VRK2: variants seen among roughly 807,000 people sequenced by gnomAD.
VRK2 encodes serine/threonine-protein kinase VRK2.
Under a neutral mutation model 57.6 loss-of-function variants are expected in VRK2, and 60 were observed. The ratio of observed to expected loss-of-function variants is 1.04; its 90% CI spans 0.85 to 1.29. The LOEUF is 1.29. VRK2 is among the 50% of genes most tolerant of loss of function. The probability of loss-of-function intolerance (pLI) is 0.00; values close to 1 mark genes in which losing one functional copy is unlikely to be tolerated. For synonymous variants in VRK2, 231 were observed against 199.2 expected (o/e 1.16, Z -1.35); for missense variants, 705 against 588.1 (o/e 1.20, Z -2.06).
At chr2:58,139,925 G>A in intron 11 of VRK2, 93 bp downstream of exon 11, 3 of 1,321,964 alleles carry the variant, frequency 2.3e-6, no homozygotes, top group East Asian at 2.4e-5. Context: ...GAGTCTGACA[G>A]CTTTCTTCTT....
At chr2:57,976,055 T>C (rs1470970333) in intron 1 of VRK2, among the ~76,000 whole-genome samples, 1 of 152,126 alleles carries the variant, frequency 6.6e-6, no homozygotes, top group African/African-American at 2.4e-5. Flanking sequence ...CTTAGGATAA[T>C]GGCCTCCAGC....
intron 2 of VRK2, among the ~76,000 whole-genome samples, chr2:58,075,963 G>T (rs1670042918): frequency 6.8e-6 from 1 of 147,308 alleles, no homozygotes; most frequent in Non-Finnish European, 1.5e-5. Context: ...ATGGATTAAA[G>T]AAAAGCTGTT....
At position 58,159,420 on chromosome 2, in the gene VRK2, A is replaced by G; in HGVS notation, c.1254A>G (p.Gln418=). 1 of 1,613,682 alleles carries G rather than the reference A, an allele frequency of 6.2e-7. No individual in the cohort carries two copies. Residue 418 remains glutamine (Q), a synonymous_variant, in exon 13 of 13, where the codon CAA becomes CAG. Coordinates refer to ENST00000340157, the MANE Select transcript of VRK2 (RefSeq NM_006296.7). The stretch of plus-strand genomic sequence containing the variant: ...TGAATGAAGTAAACAGTTTCCCACA[A>G]AAAATCAGCTATACACAATTCCCAA... ...EPLNEVNSFP[Q]KISYTQFPNS... is the part of the protein sequence containing the mutation.
At chr2:58,110,972 G>T (rs574973120) in intron 7 of VRK2, among the ~76,000 whole-genome samples, 67 of 152,218 alleles carry the variant, frequency 4.4e-4, no homozygotes, top group Non-Finnish European at 8.5e-4. Context: ...GGACCCAGTG[G>T]TCCTGCCCCT....
At chr2:58,123,009 T>TTC (rs1677752955) in intron 7 of VRK2, 92 bp from the exon 8 acceptor site, 1 of 1,477,452 alleles carries the variant, frequency 6.8e-7, no homozygotes, top group Non-Finnish European at 9.0e-7. Context: ...TCTGAGGCTG[T>TTC]TCTTAACCTA....
intron 1 of VRK2, among the ~76,000 whole-genome samples, chr2:57,914,840 A>G (rs1572853735): frequency 1.3e-5 from 2 of 152,274 alleles, no homozygotes; most frequent in Non-Finnish European, 1.5e-5. Flanking sequence ...TAAATAGCAA[A>G]CCCAGGAACA....
chr2:57,908,596 C>T (rs1387598419), intron 1 of VRK2, among the ~76,000 whole-genome samples: 1 of 152,056 alleles, frequency 6.6e-6, no homozygotes, highest in African/African-American at 2.4e-5. Context: ...ATGACTGGCT[C>T]TTAATAAACC....
At chr2:58,078,532 A>G (rs929010835) in intron 2 of VRK2, among the ~76,000 whole-genome samples, 2 of 152,048 alleles carry the variant, frequency 1.3e-5, no homozygotes, top group African/African-American at 4.8e-5. Flanking sequence ...GGATTGCTAG[A>G]TCATATGGTA....
intron 1 of VRK2, among the ~76,000 whole-genome samples, chr2:57,951,499 T>G (rs1671425708): frequency 6.6e-6 from 1 of 152,184 alleles, no homozygotes; most frequent in Non-Finnish European, 1.5e-5. Flanking sequence ...TGACTCCAAT[T>G]TTGAAAGAAG....
rs530192666 is a variant in VRK2 at position 57,949,735 on chromosome 2, T to C, written c.-439+41896T>C. Among the ~76,000 whole-genome samples, 6 of 152,330 alleles carry C rather than the reference T, an allele frequency of 3.9e-5. No individual in the cohort carries two copies. In the South Asian group the frequency reaches 8.3e-4, roughly 21 times the overall value. ...ATCAAAAGCTAGAAATGATTAAGCT[T>C]AATGAGGAAGGCATTTCAAAAGCCC... On this transcript the variant is annotated intron_variant, in intron 1 of 15. Coordinates refer to the VRK2 transcript ENST00000417641.
intron 1 of VRK2, among the ~76,000 whole-genome samples, chr2:57,927,497 G>A (rs1670579187): frequency 1.3e-5 from 2 of 151,982 alleles, no homozygotes; most frequent in South Asian, 4.1e-4. Context: ...GGTTGTTCTT[G>A]AACTCCTGAC....
chr2:58,066,987 A>G (rs1428572906), intron 2 of VRK2, among the ~76,000 whole-genome samples: 2 of 152,222 alleles, frequency 1.3e-5, no homozygotes, highest in Non-Finnish European at 2.9e-5. Flanking sequence ...CTGAGTGGGC[A>G]GCATCTAATC....
chr2:58,026,310 A>G (rs980353928), intron 2 of VRK2, among the ~76,000 whole-genome samples: 1 of 151,962 alleles, frequency 6.6e-6, no homozygotes, highest in Non-Finnish European at 1.5e-5. Context: ...ACATGTGCAC[A>G]TGTGTGAGAA....
At position 58,046,851 on chromosome 2, in the gene VRK2, G is replaced by A. The variant is rs1021906814; in HGVS notation, c.-23G>A. 30 of 985,212 alleles carry A rather than the reference G, an allele frequency of 3.0e-5. No individual in the cohort carries two copies. The highest frequency in any genetic ancestry group is 3.5e-5 in the African/African-American group (2 of 57,226). The allele number at this position is 985,212 out of a possible 1,614,324, so 61.0% of individuals were successfully genotyped here. A position where few individuals can be genotyped will look rare whatever the true frequency, so the allele number is the denominator to read the frequency against. ...GAGGCGGTGCGCGCGGCCCGGCGAC[G>A]GGGGATCCTGAGGCCCGGTCAGTCT... On this transcript the variant is annotated 5_prime_UTR_variant, in exon 1 of 13. Transcript: ENST00000340157.
At chr2:58,067,257 C>G (rs1192859805) in intron 2 of VRK2, among the ~76,000 whole-genome samples, 5 of 152,138 alleles carry the variant, frequency 3.3e-5, no homozygotes, top group Non-Finnish European at 7.4e-5. Context: ...CTCAGACTGG[C>G]TTTGTTGCTT....
chr2:58,019,748 C>A (rs1227083079), intron 1 of VRK2, among the ~76,000 whole-genome samples: 1 of 152,158 alleles, frequency 6.6e-6, no homozygotes, highest in Non-Finnish European at 1.5e-5. Context: ...GTACTAGTTT[C>A]CTATTGCTCA....
chr2:57,978,707 T>C (rs1672324168), intron 1 of VRK2, among the ~76,000 whole-genome samples: 1 of 150,256 alleles, frequency 6.7e-6, no homozygotes, highest in South Asian at 2.1e-4. Flanking sequence ...TTTCTTCCTT[T>C]TTCTTTTTCA....
chr2:58,159,492 CAAG>C lies in VRK2; in HGVS notation c.1330_1332del (p.Lys444del), dbSNP rs747900495. 6.8e-6 allele frequency: 11 copies of C among 1,613,698 alleles called. No individual in the cohort carries two copies. Among genetic ancestry groups the C allele is most frequent in the Non-Finnish European group, 9.3e-6 (11 of 1,179,774 alleles). ...AAGATTTTACCAGTCCAGATATATT[CAAG>C]AAGTCAAGATCTCCATCTTGGTATA... is the stretch of plus-strand genomic sequence containing the variant. On this transcript the variant is annotated inframe_deletion, in exon 13 of 13. Transcript: ENST00000340157.
At chr2:57,986,343 A>G (rs1386620652) in intron 1 of VRK2, among the ~76,000 whole-genome samples, 2 of 152,200 alleles carry the variant, frequency 1.3e-5, no homozygotes, top group Non-Finnish European at 2.9e-5. Context: ...GATCTAATAT[A>G]GATTTTGGAC....
Sources: allele counts gnomAD v4.1 joint callset (sites outside exome capture counted in the v4.1 genomes callset), GRCh38; gene constraint gnomAD v4.1.1; transcripts MANE v1.5; gene names NCBI Gene and HGNC (gene_info 2026-07-23, HGNC 2026-07-21).